The following USH2A variants were observed in gnomAD, a reference collection of about 807,000 sequenced individuals.
The protein encoded by USH2A is usherin.
USH2A carries 443 observed loss-of-function variants against 538.9 expected under a neutral mutation model. That is an observed-to-expected ratio of 0.82 (90% CI 0.76 to 0.89). The LOEUF (loss-of-function observed/expected upper bound fraction) is 0.89, where lower values mean the gene tolerates loss of function less well. Among genes scored for constraint, USH2A ranks in the 40% least tolerant of loss-of-function variants. USH2A has a pLI of 0.00. For missense variants in USH2A, 6,633 were observed against 6,324.8 expected (o/e 1.05, Z -1.65); for synonymous variants, 2,413 against 2,273.5 (o/e 1.06, Z -1.75).
At chr1:216,007,650 C>T (rs1179536546) in intron 32 of USH2A, among the ~76,000 whole-genome samples, 2 of 152,212 alleles carry the variant, frequency 1.3e-5, no homozygotes, top group Admixed American at 1.3e-4. Flanking sequence ...GTAAAGATTT[C>T]AGTTGCCCAA....
intron 58 of USH2A, among the ~76,000 whole-genome samples, chr1:215,749,572 A>G (rs182847617): frequency 5.9e-5 from 9 of 152,310 alleles, no homozygotes; most frequent in Admixed American, 5.9e-4. Flanking sequence ...TACCATCTGC[A>G]ATGAGTCTGA....
chr1:216,345,080 C>A (rs571488471), intron 4 of USH2A, among the ~76,000 whole-genome samples: 14 of 152,020 alleles, frequency 9.2e-5, no homozygotes, highest in African/African-American at 2.9e-4. Flanking sequence ...GCAGCCTGAA[C>A]TTTTGCGCAA....
Position 215,674,310 on chromosome 1 carries a change from C to T in USH2A, c.13601G>A (p.Gly4534Glu). The change falls in exon 63 of 72, where the codon GGG becomes GAG. Residue 4534 changes from glycine to glutamate, a missense_variant. Coordinates refer to ENST00000307340, the MANE Select transcript of USH2A (RefSeq NM_206933.4). ...GGCCTGCAATTTTGGAGGTTCCATC[C>T]CTGAGGGTGCTGAGGGGCTGGTTCG... The part of the protein sequence containing the change: ...KDRTSPSAPS[G>E]MEPPKLQARG... 1.2e-6 allele frequency: 2 copies of T among 1,613,906 alleles called. No homozygotes were observed. The highest frequency in any genetic ancestry group is 1.7e-6 in the Non-Finnish European group (2 of 1,179,980).
At chr1:216,149,215 C>T (rs1254449747) in intron 21 of USH2A, among the ~76,000 whole-genome samples, 1 of 152,176 alleles carries the variant, frequency 6.6e-6, no homozygotes, top group East Asian at 1.9e-4. Flanking sequence ...TGCTTTAATA[C>T]TGTTAGAGGC....
At chr1:215,846,141 C>G (rs778020051) in intron 44 of USH2A, 108 bp from the exon 45 acceptor site, 1 of 1,091,146 alleles carries the variant, frequency 9.2e-7, no homozygotes, top group Non-Finnish European at 1.3e-6. Context: ...GTTTAGAGAG[C>G]CTTTGTTTTG....
chr1:216,050,964 G>T (rs2030764715), intron 30 of USH2A, among the ~76,000 whole-genome samples: 1 of 151,884 alleles, frequency 6.6e-6, no homozygotes, highest in Admixed American at 6.6e-5. Context: ...AAATCAAATA[G>T]CCCTTCCTCA....
At chr1:215,882,722 C>A (rs917575145) in intron 41 of USH2A, among the ~76,000 whole-genome samples, 2 of 152,096 alleles carry the variant, frequency 1.3e-5, no homozygotes, top group African/African-American at 2.4e-5. Flanking sequence ...AAAAAAAGTT[C>A]TCTACCACTT....
At position 216,174,226 on chromosome 1, in the gene USH2A, A is replaced by G. The variant is rs187912303; in HGVS notation, c.4627+1026T>C. 329 of 985,224 alleles carry G rather than the reference A, an allele frequency of 3.3e-4. 2 individuals are homozygous for G. The African/African-American group carries it at 5.4e-3, about 16-fold the overall frequency. The allele number at this position is 985,224 out of a possible 1,614,324, so 61.0% of individuals were successfully genotyped here. On this transcript the variant is annotated intron_variant, in intron 21 of 71. Transcript: ENST00000307340. ...ATTGTCTTCACATATGCAATATTTTAAAGACTAGCTATTTGCTCCAAAATG... is the reference window on the plus strand; with the variant it reads ...ATTGTCTTCACATATGCAATATTTTGAAGACTAGCTATTTGCTCCAAAATG...
chr1:216,143,055 T>C (rs191160845), intron 21 of USH2A, among the ~76,000 whole-genome samples: 1 of 152,168 alleles, frequency 6.6e-6, no homozygotes, highest in Admixed American at 6.5e-5. Context: ...AGCCTTTTCT[T>C]ACAGGCCCCA....
chr1:215,641,099 T>C (rs1656672131), intron 67 of USH2A, among the ~76,000 whole-genome samples: 1 of 152,186 alleles, frequency 6.6e-6, no homozygotes, highest in African/African-American at 2.4e-5. Flanking sequence ...TCCCTCTTTT[T>C]AACAGGTAAA....
intron 11 of USH2A, among the ~76,000 whole-genome samples, chr1:216,253,696 C>T (rs752873226): frequency 2.0e-5 from 3 of 152,190 alleles, no homozygotes; most frequent in Non-Finnish European, 4.4e-5. Context: ...CCCTATGTCA[C>T]CCAGAGGTGA....
intron 31 of USH2A, among the ~76,000 whole-genome samples, 198 bp from the exon 32 acceptor site, chr1:216,046,790 T>C (rs2030539666): frequency 6.6e-6 from 1 of 152,188 alleles, no homozygotes; most frequent in African/African-American, 2.4e-5. Flanking sequence ...TTTGTGTCAA[T>C]GATGGATGAG....
At chr1:216,372,921 G>A (rs1322030585) in intron 3 of USH2A, among the ~76,000 whole-genome samples, 1 of 152,084 alleles carries the variant, frequency 6.6e-6, no homozygotes, top group African/African-American at 2.4e-5. Flanking sequence ...AGATTATCAA[G>A]TTAGCTGTAA....
At chr1:215,785,716 C>A (rs1050138691) in intron 52 of USH2A, among the ~76,000 whole-genome samples, 5 of 152,126 alleles carry the variant, frequency 3.3e-5, no homozygotes, top group Non-Finnish European at 7.3e-5. Context: ...TCAACCTTAT[C>A]TCTGTTCCTT....
chr1:215,779,261 C>G (rs1056024741), intron 55 of USH2A, among the ~76,000 whole-genome samples: 5 of 152,150 alleles, frequency 3.3e-5, no homozygotes, highest in African/African-American at 1.2e-4. Context: ...TAATTATTAT[C>G]ATAATCACTA....
intron 56 of USH2A, among the ~76,000 whole-genome samples, chr1:215,761,686 T>C (rs1375219978): frequency 6.6e-6 from 1 of 152,202 alleles, no homozygotes; most frequent in East Asian, 1.9e-4. Flanking sequence ...TTTATACTTC[T>C]GTCTAAAAAA....
At chr1:216,089,212 A>G (rs2032231193) in intron 22 of USH2A, 73 bp from the exon 23 acceptor site, 1 of 1,488,490 alleles carries the variant, frequency 6.7e-7, no homozygotes, top group Non-Finnish European at 9.3e-7. Flanking sequence ...TATTTGTTAT[A>G]AACCAATTTA....
intron 38 of USH2A, among the ~76,000 whole-genome samples, chr1:215,901,622 G>A (rs115735679): frequency 2.6e-5 from 4 of 152,086 alleles, no homozygotes; most frequent in East Asian, 1.9e-4. Flanking sequence ...CGGCAAATCT[G>A]TTCTGACTTC....
chr1:216,223,130 T>C (rs1237807879), intron 14 of USH2A, among the ~76,000 whole-genome samples: 1 of 151,884 alleles, frequency 6.6e-6, no homozygotes, highest in African/African-American at 2.4e-5. Flanking sequence ...TCCAGAACTA[T>C]AAGATAATAA....
Sources: gnomAD v4.1 joint callset for allele counts (sites outside exome capture counted in the v4.1 genomes callset) on GRCh38, gnomAD v4.1.1 for gene constraint, MANE v1.5 for transcripts, NCBI Gene and HGNC (gene_info 2026-07-23, HGNC 2026-07-21) for gene names.